ZNF804A: variants seen among roughly 807,000 people sequenced by gnomAD.
ZNF804A encodes the protein zinc finger protein 804A.
Under a neutral mutation model 16.5 loss-of-function variants are expected in ZNF804A, and 2 were observed. The ratio of observed to expected loss-of-function variants is 0.12; its 90% confidence interval spans 0.05 to 0.38. ZNF804A has a LOEUF of 0.38. Among genes scored for constraint, ZNF804A ranks in the 10% least tolerant of loss-of-function variants. The pLI is 0.99. For missense variants in ZNF804A, 1,473 were observed against 1,390.7 expected (o/e 1.06, Z -0.94); for synonymous variants, 534 against 489.6 (o/e 1.09, Z -1.20).
chr2:184,768,958 G>A (rs1161763823), intron 1 of ZNF804A, among the ~76,000 whole-genome samples: 2 of 152,012 alleles, frequency 1.3e-5, no homozygotes, highest in African/African-American at 4.8e-5. Flanking sequence ...AACTACAAAA[G>A]AATCAGATCA....
intron 1 of ZNF804A, among the ~76,000 whole-genome samples, chr2:184,681,041 G>A (rs780576910): frequency 1.3e-5 from 2 of 152,204 alleles, no homozygotes; most frequent in African/African-American, 2.4e-5. Flanking sequence ...ATGCCTGGCT[G>A]GACCCCACGC....
At chr2:184,646,677 G>A (rs1234968762) in intron 1 of ZNF804A, among the ~76,000 whole-genome samples, 8 of 152,222 alleles carry the variant, frequency 5.3e-5, no homozygotes, top group African/African-American at 9.6e-5. Context: ...TCAGACAGAT[G>A]TCCAAGTATC....
intron 1 of ZNF804A, among the ~76,000 whole-genome samples, chr2:184,656,058 G>T (rs1692069725): frequency 6.6e-6 from 1 of 151,932 alleles, no homozygotes; most frequent in Non-Finnish European, 1.5e-5. Context: ...CTAGGTCGTT[G>T]AGCAAATTAT....
At chr2:184,685,191 G>A (rs1692608882) in intron 1 of ZNF804A, among the ~76,000 whole-genome samples, 1 of 152,118 alleles carries the variant, frequency 6.6e-6, no homozygotes, top group Admixed American at 6.5e-5. Context: ...CTGGCTTCGT[G>A]TGAGGTTGTA....
At chr2:184,747,245 A>C (rs911156816) in intron 1 of ZNF804A, among the ~76,000 whole-genome samples, 1 of 150,002 alleles carries the variant, frequency 6.7e-6, no homozygotes, top group Admixed American at 6.7e-5. Flanking sequence ...AAATGTTTGA[A>C]ATAGGGCAAC....
intron 1 of ZNF804A, among the ~76,000 whole-genome samples, chr2:184,782,470 G>T (rs1028664313): frequency 2.3e-4 from 35 of 151,240 alleles, no homozygotes; most frequent in Non-Finnish European, 4.6e-4. Flanking sequence ...ACAAAAACAT[G>T]AAAAGACTAG....
At chr2:184,601,762 G>A (rs999724159) in intron 1 of ZNF804A, among the ~76,000 whole-genome samples, 10 of 151,132 alleles carry the variant, frequency 6.6e-5, no homozygotes, top group Non-Finnish European at 1.5e-4. Context: ...TTCTTACTTC[G>A]GGGAAGTGCA....
chr2:184,666,845 A>C (rs531161271), intron 1 of ZNF804A, among the ~76,000 whole-genome samples: 2 of 152,136 alleles, frequency 1.3e-5, no homozygotes, highest in Admixed American at 1.3e-4. Flanking sequence ...CAGCTGAGGG[A>C]AATATACGTG....
At chr2:184,751,088 T>C (rs1180670536) in intron 1 of ZNF804A, among the ~76,000 whole-genome samples, 1 of 151,540 alleles carries the variant, frequency 6.6e-6, no homozygotes, top group Admixed American at 6.6e-5. Context: ...AATGGACATT[T>C]AGGTTGCTTG....
At chr2:184,663,632 A>T (rs891393689) in intron 1 of ZNF804A, among the ~76,000 whole-genome samples, 3 of 152,116 alleles carry the variant, frequency 2.0e-5, no homozygotes, top group Admixed American at 1.3e-4. Flanking sequence ...CCAGGCTGTC[A>T]GTTCTGGGTT....
chr2:184,604,146 C>CTTTTTTTTTTTT lies in ZNF804A; in HGVS notation c.111+5106_111+5117dup, dbSNP rs759053144. 2.4e-3 allele frequency among the ~76,000 whole-genome samples: 107 copies of CTTTTTTTTTTTT among 44,898 alleles called. 34 individuals are homozygous for CTTTTTTTTTTTT. The highest frequency in any genetic ancestry group is 3.5e-3 in the Non-Finnish European group (80 of 22,814). The allele number at this position is 44,898 out of a possible 152,430, so 29.5% of individuals were successfully genotyped here. A position where few individuals can be genotyped will look rare whatever the true frequency, so the allele number is the denominator to read the frequency against. On this transcript the variant is annotated intron_variant, in intron 1 of 3. Coordinates refer to ENST00000302277, the MANE Select transcript of ZNF804A (RefSeq NM_194250.2). ...TTCAGGTTATGGATGACTGCAATTACTTTTTTTTTTTTTTTTTTTTTTTTT... is the reference window on the plus strand; with the variant it reads ...TTCAGGTTATGGATGACTGCAATTACTTTTTTTTTTTTTTTTTTTTTTTTTTTTTTTTTTTTT...
intron 1 of ZNF804A, among the ~76,000 whole-genome samples, chr2:184,783,102 T>G (rs1694395721): frequency 6.7e-6 from 1 of 149,784 alleles, no homozygotes; most frequent in South Asian, 2.1e-4. Context: ...TGTAAAATAA[T>G]TTTTCAATTA....
chr2:184,604,046 A>C (rs1691093208), intron 1 of ZNF804A, among the ~76,000 whole-genome samples: 1 of 151,106 alleles, frequency 6.6e-6, no homozygotes, highest in South Asian at 2.1e-4. Flanking sequence ...AATTCATTAA[A>C]TATTGAGTTA....
intron 1 of ZNF804A, among the ~76,000 whole-genome samples, chr2:184,634,083 C>A (rs935333351): frequency 2.6e-5 from 4 of 152,112 alleles, no homozygotes; most frequent in African/African-American, 4.8e-5. Flanking sequence ...AGTTATAAAA[C>A]TGATATTCCC....
intron 1 of ZNF804A, among the ~76,000 whole-genome samples, chr2:184,719,383 T>C (rs1457556847): frequency 6.6e-6 from 1 of 152,180 alleles, no homozygotes; most frequent in Admixed American, 6.5e-5. Flanking sequence ...TCTTGGGGAT[T>C]AACATTTGGC....
intron 1 of ZNF804A, among the ~76,000 whole-genome samples, chr2:184,722,566 A>G (rs772328627): frequency 6.6e-6 from 1 of 151,988 alleles, no homozygotes; most frequent in Non-Finnish European, 1.5e-5. Flanking sequence ...ACCTTCAGAG[A>G]ACTTAGAGAG....
intron 1 of ZNF804A, among the ~76,000 whole-genome samples, chr2:184,623,611 A>G (rs935822043): frequency 6.6e-6 from 1 of 152,118 alleles, no homozygotes; most frequent in African/African-American, 2.4e-5. Context: ...TTAATAAGTG[A>G]CACATGTTGA....
intron 2 of ZNF804A, among the ~76,000 whole-genome samples, chr2:184,910,405 T>A (rs1317513810): frequency 6.6e-6 from 1 of 152,082 alleles, no homozygotes; most frequent in Non-Finnish European, 1.5e-5. Context: ...TCCACATCTT[T>A]GCTATTGTGA....
chr2:184,856,554 T>C (rs893167060), intron 1 of ZNF804A, among the ~76,000 whole-genome samples: 8 of 152,050 alleles, frequency 5.3e-5, no homozygotes, highest in Non-Finnish European at 8.8e-5. Flanking sequence ...GTTAAGTACG[T>C]ATGTGTAAGT....
Sources: gnomAD v4.1 joint callset for allele counts (sites outside exome capture counted in the v4.1 genomes callset) on GRCh38, gnomAD v4.1.1 for gene constraint, MANE v1.5 for transcripts, NCBI Gene and HGNC (gene_info 2026-07-23, HGNC 2026-07-21) for gene names.